Variants in ARNT2 observed in about 807,000 individuals in gnomAD.
ARNT2 encodes the protein aryl hydrocarbon receptor nuclear translocator 2.
ARNT2 carries 36 observed loss-of-function variants against 91.7 expected under a neutral mutation model. The observed-to-expected ratio is 0.39, with a 90% CI of 0.30 to 0.52. The LOEUF (loss-of-function observed/expected upper bound fraction) is 0.52, where lower values mean the gene tolerates loss of function less well. Ranked by LOEUF, ARNT2 falls within the 20% of genes least tolerant of loss-of-function variation. ARNT2 has a pLI of 0.72. For synonymous variants in ARNT2, 365 were observed against 347.1 expected, an observed-to-expected ratio of 1.05 and a Z score of -0.57; for missense variants, 775 against 939.3, an observed-to-expected ratio of 0.83 and a Z score of 2.29.
intron 1 of ARNT2, among the ~76,000 whole-genome samples, chr15:80,432,131 C>T (rs1362607645): frequency 6.6e-6 from 1 of 152,232 alleles, no homozygotes; most frequent in Non-Finnish European, 1.5e-5. Context: ...AATGCAGCAT[C>T]TGTTTCCCAT....
intron 1 of ARNT2, among the ~76,000 whole-genome samples, chr15:80,447,318 C>G (rs1896320382): frequency 2.0e-5 from 3 of 152,170 alleles, no homozygotes; most frequent in South Asian, 4.2e-4. Context: ...TCTGGAAAGG[C>G]TCTACTCATG....
intron 5 of ARNT2, among the ~76,000 whole-genome samples, chr15:80,496,965 C>G (rs1047911834): frequency 6.6e-6 from 1 of 152,130 alleles, no homozygotes; most frequent in African/African-American, 2.4e-5. Context: ...TGTATGTATG[C>G]GAGGCACCCT....
intron 11 of ARNT2, chr15:80,555,974 C>T (rs1198482607): frequency 6.7e-6 from 1 of 149,460 alleles, no homozygotes; most frequent in Non-Finnish European, 1.5e-5. Flanking sequence ...CACTCACTCA[C>T]TCACTCACTC....
At position 80,580,607 on chromosome 15, in the gene ARNT2, G is replaced by A. The variant is rs1322272000; in HGVS notation, c.1752+58G>A. 8 of 1,607,890 alleles carry A rather than the reference G, an allele frequency of 5.0e-6. No individual in the cohort carries two copies. In the Admixed American group the frequency reaches 5.0e-5, roughly 10 times the overall value. ...TGACCAGAGAGGCAGAGCACTCTGGGAAGTGTTTTCTTTGGATTGCGGTTC... is the reference window on the plus strand; with the variant it reads ...TGACCAGAGAGGCAGAGCACTCTGGAAAGTGTTTTCTTTGGATTGCGGTTC... On this transcript the variant is annotated intron_variant, in intron 16 of 18. Coordinates refer to ENST00000303329, the MANE Select transcript of ARNT2 (RefSeq NM_014862.4).
chr15:80,530,832 G>A (rs550216981), intron 8 of ARNT2, among the ~76,000 whole-genome samples: 18 of 152,180 alleles, frequency 1.2e-4, no homozygotes, highest in South Asian at 6.2e-4. Flanking sequence ...ATTAGTCCCC[G>A]TAGATACACC....
At chr15:80,515,022 G>A (rs1191030049) in intron 8 of ARNT2, among the ~76,000 whole-genome samples, 1 of 152,204 alleles carries the variant, frequency 6.6e-6, no homozygotes, top group African/African-American at 2.4e-5. Context: ...TTGAAATGAT[G>A]AGTGTATCTA....
At chr15:80,495,745 C>T (rs1897117449) in intron 5 of ARNT2, among the ~76,000 whole-genome samples, 1 of 152,186 alleles carries the variant, frequency 6.6e-6, no homozygotes, top group African/African-American at 2.4e-5. Context: ...CCTCTCCAGC[C>T]CCTCTCCCTG....
At chr15:80,444,701 G>A (rs2141581148) in intron 1 of ARNT2, 1 of 151,620 alleles carries the variant, frequency 6.6e-6, no homozygotes, top group South Asian at 2.1e-4. Context: ...TGGTGTGTGT[G>A]TGGTGTGTGT....
chr15:80,488,521 A>G (rs921197401), intron 5 of ARNT2: 3 of 152,162 alleles, frequency 2.0e-5, no homozygotes, highest in African/African-American at 7.2e-5. Flanking sequence ...GTGGTTCTCA[A>G]TCTCATTGTG....
chr15:80,435,459 A>G (rs927117318), intron 1 of ARNT2, among the ~76,000 whole-genome samples: 37 of 152,036 alleles, frequency 2.4e-4, no homozygotes, highest in African/African-American at 8.5e-4. Flanking sequence ...GGGCCTTTGA[A>G]CTGGCTTCCT....
chr15:80,560,395 G>A (rs1898313641), intron 11 of ARNT2, among the ~76,000 whole-genome samples: 1 of 152,136 alleles, frequency 6.6e-6, no homozygotes, highest in Non-Finnish European at 1.5e-5. Context: ...CTGTTATGGG[G>A]ACTGCTTGAG....
chr15:80,484,304 G>C (rs1896932947), intron 5 of ARNT2, among the ~76,000 whole-genome samples: 1 of 152,096 alleles, frequency 6.6e-6, no homozygotes, highest in South Asian at 2.1e-4. Flanking sequence ...ATTTGACTTA[G>C]GCCCCTTGAA....
At chr15:80,433,510 T>G (rs1896042313) in intron 1 of ARNT2, among the ~76,000 whole-genome samples, 1 of 152,050 alleles carries the variant, frequency 6.6e-6, no homozygotes, top group Admixed American at 6.5e-5. Flanking sequence ...GGACTTGAAC[T>G]GCTGGCCTCA....
chr15:80,513,034 C>T (rs1045750090), intron 6 of ARNT2, among the ~76,000 whole-genome samples: 2 of 152,238 alleles, frequency 1.3e-5, no homozygotes, highest in South Asian at 2.1e-4. Context: ...GTGAAGACCA[C>T]ACTAGTGCTG....
intron 5 of ARNT2, among the ~76,000 whole-genome samples, chr15:80,492,253 A>T (rs1858488180): frequency 6.6e-6 from 1 of 152,070 alleles, no homozygotes; most frequent in Admixed American, 6.5e-5. Flanking sequence ...GCCCAGGCTG[A>T]TTTCAAACTC....
chr15:80,530,314 C>G (rs1897715359), intron 8 of ARNT2, among the ~76,000 whole-genome samples: 1 of 152,160 alleles, frequency 6.6e-6, no homozygotes, highest in East Asian at 1.9e-4. Context: ...TAACTAAAGT[C>G]ACAAACACCC....
At chr15:80,572,957 A>T (rs541715963) in intron 12 of ARNT2, among the ~76,000 whole-genome samples, 1 of 152,358 alleles carries the variant, frequency 6.6e-6, no homozygotes, top group South Asian at 2.1e-4. Context: ...GTCACTCCTG[A>T]TTACAGCCAA....
At chr15:80,532,272 G>A (rs74027828) in intron 8 of ARNT2, among the ~76,000 whole-genome samples, 1,797 of 152,200 alleles carry the variant, frequency 0.012, 38 homozygotes, top group African/African-American at 0.042. Flanking sequence ...TCACCCTAGA[G>A]CTTGAGCCTT....
rs76378681 is a variant in ARNT2 at position 80,504,325 on chromosome 15, G to T, written c.623-3831G>T. Among the ~76,000 whole-genome samples, 858 of 152,280 alleles carry T rather than the reference G, an allele frequency of 5.6e-3. 14 individuals are homozygous for T. Among genetic ancestry groups the T allele is most frequent in the African/African-American group, 0.019 (792 of 41,558 alleles). ...ACTTTAGTCTGTTCTCTTCTTTGTT[G>T]TTGTTGTCCGCTCTCTCATCCTCTA... On this transcript the variant is annotated intron_variant, in intron 5 of 18. Coordinates refer to ENST00000303329, the MANE Select transcript of ARNT2 (RefSeq NM_014862.4).
Sources: allele counts gnomAD v4.1 joint callset (sites outside exome capture counted in the v4.1 genomes callset), GRCh38; gene constraint gnomAD v4.1.1; transcripts MANE v1.5; gene names NCBI Gene and HGNC (gene_info 2026-07-23, HGNC 2026-07-21).